BCHE: variants seen among roughly 807,000 people sequenced by gnomAD.
BCHE encodes the protein butyrylcholinesterase, also known as cholinesterase.
Under a neutral mutation model 51.3 loss-of-function variants are expected in BCHE, and 48 were observed. The observed-to-expected ratio is 0.94, with a 90% CI of 0.74 to 1.19. BCHE has a LOEUF of 1.19. Among genes scored for constraint, BCHE ranks in the 50% most tolerant of loss-of-function variants. The pLI, the probability that BCHE is intolerant of heterozygous loss-of-function variation, is 0.00. For synonymous variants in BCHE, 251 were observed against 238.0 expected, an observed-to-expected ratio of 1.05 and a Z score of -0.50; for missense variants, 847 against 708.2, an observed-to-expected ratio of 1.20 and a Z score of -2.23.
chr3:165,795,337 C>A (rs970416593), intron 2 of BCHE, among the ~76,000 whole-genome samples: 4 of 152,052 alleles, frequency 2.6e-5, no homozygotes, highest in Non-Finnish European at 4.4e-5. Flanking sequence ...TTTCCAAGGC[C>A]CACTTATATT....
At position 165,773,207 on chromosome 3, in the gene BCHE, GGGTTT is replaced by G; in HGVS notation, c.*170_*174del. ...TTAATTAAACACGTTCTAGCCATTT[GGGTTT>G]TGAAATGCTAGGTAAAATACTAAGT... On this transcript the variant is annotated 3_prime_UTR_variant, in exon 4 of 4. Coordinates refer to ENST00000264381, the MANE Select transcript of BCHE (RefSeq NM_000055.4). 1.2e-5 allele frequency: 7 copies of G among 567,616 alleles called. No individual in the cohort carries two copies. Among genetic ancestry groups the G allele is most frequent in the Non-Finnish European group, 1.5e-5 (5 of 328,272 alleles). The allele number at this position is 567,616 out of a possible 1,614,324, so 35.2% of individuals were successfully genotyped here.
chr3:165,786,753 G>A (rs1712972271), intron 2 of BCHE, among the ~76,000 whole-genome samples: 1 of 151,596 alleles, frequency 6.6e-6, no homozygotes, highest in South Asian at 2.1e-4. Flanking sequence ...TACTGCTTGA[G>A]TTTAAGACCA....
chr3:165,773,373 A>G lies in BCHE; in HGVS notation c.*9T>C. The G allele has an allele frequency of 6.2e-7, 1 of 1,609,022 alleles. No homozygotes were observed. On this transcript the variant is annotated 3_prime_UTR_variant, in exon 4 of 4. Transcript: ENST00000264381. ...GGAAAATATGTTCTATAAAGGGTAA[A>G]TCTATTAATTAGAGACCCACACAAC...
intron 2 of BCHE, among the ~76,000 whole-genome samples, chr3:165,813,482 T>C (rs1174741724): frequency 8.6e-5 from 13 of 151,684 alleles, no homozygotes; most frequent in Non-Finnish European, 1.5e-5. Flanking sequence ...CAATATTTTG[T>C]AAAGTCAATG....
At chr3:165,781,809 A>G (rs565262265) in intron 3 of BCHE, among the ~76,000 whole-genome samples, 1 of 152,256 alleles carries the variant, frequency 6.6e-6, no homozygotes, top group Admixed American at 6.6e-5. Context: ...TATACATAAA[A>G]CAGTTAAAAT....
chr3:165,777,473 T>C (rs1032009465), intron 3 of BCHE, among the ~76,000 whole-genome samples: 1 of 152,040 alleles, frequency 6.6e-6, no homozygotes, highest in Non-Finnish European at 1.5e-5. Context: ...AAAATTTATG[T>C]CAAGATTTCG....
rs1460117108 is a variant in BCHE, at chr3:165,807,507, GTTA to G, written c.1518-21199_1518-21197del. 3.3e-5 allele frequency among the ~76,000 whole-genome samples: 5 copies of G among 151,000 alleles called. No individual in the cohort carries two copies. The East Asian group carries it at 7.8e-4, about 24-fold the overall frequency. On this transcript the variant is annotated intron_variant, in intron 2 of 3. Coordinates refer to ENST00000264381, the MANE Select transcript of BCHE (RefSeq NM_000055.4). ...ATGATTGAGATAAAGATAAAGAAAT[GTTA>G]TTATGAGATTTATTTATTTATTTAT...
intron 3 of BCHE, among the ~76,000 whole-genome samples, chr3:165,785,889 A>C (rs1379238577): frequency 1.3e-5 from 2 of 151,676 alleles, no homozygotes; most frequent in Admixed American, 6.6e-5. Context: ...TTTCTATTTT[A>C]TATTTCCACA....
chr3:165,798,291 G>T (rs1199135455), intron 2 of BCHE, among the ~76,000 whole-genome samples: 1 of 152,044 alleles, frequency 6.6e-6, no homozygotes, highest in Non-Finnish European at 1.5e-5. Flanking sequence ...GTGTGTGTAG[G>T]TGTATTTTCT....
At chr3:165,813,803 A>G (rs1362468669) in intron 2 of BCHE, among the ~76,000 whole-genome samples, 1 of 151,920 alleles carries the variant, frequency 6.6e-6, no homozygotes, top group African/African-American at 2.4e-5. Context: ...GCATTGTACT[A>G]AAGGAAGATA....
At chr3:165,833,729 C>G (rs1450756700) in intron 1 of BCHE, among the ~76,000 whole-genome samples, 3 of 152,058 alleles carry the variant, frequency 2.0e-5, no homozygotes, top group Non-Finnish European at 4.4e-5. Flanking sequence ...ACCGCTAATC[C>G]TTTTCTCTTT....
At chr3:165,804,115 C>T (rs1233823962) in intron 2 of BCHE, among the ~76,000 whole-genome samples, 1 of 151,132 alleles carries the variant, frequency 6.6e-6, no homozygotes, top group Non-Finnish European at 1.5e-5. Flanking sequence ...AGAGATGCTT[C>T]AAGGAGGAGA....
intron 2 of BCHE, among the ~76,000 whole-genome samples, chr3:165,816,273 T>C (rs1290493231): frequency 6.6e-6 from 1 of 151,984 alleles, no homozygotes; most frequent in Non-Finnish European, 1.5e-5. Context: ...TTTATGAGGA[T>C]AGTTTTCTAT....
At chr3:165,813,037 C>A (rs541020970) in intron 2 of BCHE, among the ~76,000 whole-genome samples, 1 of 133,780 alleles carries the variant, frequency 7.5e-6, no homozygotes, top group African/African-American at 2.5e-5. Flanking sequence ...TGGTTTGAAG[C>A]ATTCCATGAG....
At chr3:165,813,742 T>C (rs1714198107) in intron 2 of BCHE, among the ~76,000 whole-genome samples, 1 of 151,948 alleles carries the variant, frequency 6.6e-6, no homozygotes, top group African/African-American at 2.4e-5. Context: ...ATTTAGTAGA[T>C]AATCATTTAT....
intron 2 of BCHE, among the ~76,000 whole-genome samples, chr3:165,823,850 T>C (rs545807489): frequency 2.6e-5 from 4 of 151,890 alleles, no homozygotes; most frequent in Non-Finnish European, 5.9e-5. Flanking sequence ...CATGAATTCC[T>C]GGGCTCAAGT....
chr3:165,806,196 A>G (rs1461526730), intron 2 of BCHE, among the ~76,000 whole-genome samples: 1 of 152,188 alleles, frequency 6.6e-6, no homozygotes, highest in African/African-American at 2.4e-5. Flanking sequence ...AGCTTGGTTT[A>G]CAAATGTACA....
At chr3:165,783,490 C>T (rs1712796578) in intron 3 of BCHE, among the ~76,000 whole-genome samples, 1 of 152,058 alleles carries the variant, frequency 6.6e-6, no homozygotes, top group Non-Finnish European at 1.5e-5. Context: ...TTTGCACTCC[C>T]TCATCCTTGA....
At chr3:165,781,415 A>G (rs2108198511) in intron 3 of BCHE, among the ~76,000 whole-genome samples, 1 of 152,318 alleles carries the variant, frequency 6.6e-6, no homozygotes, top group African/African-American at 2.4e-5. Flanking sequence ...AAAAAGTATG[A>G]GATAATGTCC....
Sources: gnomAD v4.1 joint callset for allele counts (sites outside exome capture counted in the v4.1 genomes callset) on GRCh38, gnomAD v4.1.1 for gene constraint, MANE v1.5 for transcripts, NCBI Gene and HGNC (gene_info 2026-07-23, HGNC 2026-07-21) for gene names.